The following MAOB variants were observed in gnomAD, a reference collection of about 807,000 sequenced individuals.
MAOB encodes the protein monoamine oxidase B.
Under a neutral mutation model 41.9 loss-of-function variants are expected in MAOB, and 15 were observed. The observed-to-expected ratio is 0.36, with a 90% CI of 0.24 to 0.55. The LOEUF is 0.55. Among genes scored for constraint, MAOB ranks in the 20% least tolerant of loss-of-function variants. The pLI is 0.86. For missense variants in MAOB, 345 were observed against 398.7 expected (o/e 0.87, Z 1.15); for synonymous variants, 167 against 144.2 (o/e 1.16, Z -1.13).
At chrX:43,826,998 C>T (rs187875058) in intron 3 of MAOB, among the ~76,000 whole-genome samples, 8 of 111,472 alleles carry the variant, frequency 7.2e-5, no homozygotes, top group Non-Finnish European at 1.5e-4. Context: ...ATATGATATA[C>T]ATGATATAAT....
At chrX:43,806,838 T>C (rs1480581867) in intron 3 of MAOB, among the ~76,000 whole-genome samples, 1 of 112,244 alleles carries the variant, frequency 8.9e-6, no homozygotes, top group Non-Finnish European at 1.9e-5. Context: ...CAATATGATT[T>C]ATTTGTTGCT....
intron 3 of MAOB, among the ~76,000 whole-genome samples, chrX:43,804,482 A>T (rs920581533): frequency 6.3e-5 from 7 of 111,316 alleles, no homozygotes; most frequent in Non-Finnish European, 1.3e-4. Context: ...AGAGAGATAC[A>T]TACATAGATA....
chrX:43,784,047 G>T (rs2034369750), intron 8 of MAOB, among the ~76,000 whole-genome samples: 1 of 111,956 alleles, frequency 8.9e-6, no homozygotes, highest in African/African-American at 3.2e-5. Flanking sequence ...GTTTTATCAT[G>T]AGTTGGCAGC....
intron 1 of MAOB, among the ~76,000 whole-genome samples, chrX:43,880,585 G>A (rs185773039): frequency 0.017 from 1,952 of 112,116 alleles, 14 homozygotes; most frequent in Non-Finnish European, 0.025. Flanking sequence ...CTATTCCGTG[G>A]AATGTTCTTG....
intron 9 of MAOB, 104 bp from the exon 10 acceptor site, chrX:43,780,499 C>A (rs776266735): frequency 1.4e-5 from 7 of 487,236 alleles, no homozygotes; most frequent in Non-Finnish European, 2.1e-5. Flanking sequence ...TTAAGTCAAC[C>A]AAAAGAAACA....
intron 1 of MAOB, among the ~76,000 whole-genome samples, chrX:43,874,553 C>A (rs1037083442): frequency 1.8e-5 from 2 of 111,667 alleles, no homozygotes; most frequent in Non-Finnish European, 3.8e-5. Flanking sequence ...GAAAACCTAA[C>A]TTTTCACTTT....
chrX:43,836,430 G>A (rs988262899), intron 3 of MAOB, among the ~76,000 whole-genome samples: 1 of 112,406 alleles, frequency 8.9e-6, no homozygotes, highest in South Asian at 3.7e-4. Context: ...GACTGATCAC[G>A]AGGAGGCCAA....
At chrX:43,784,819 C>T (rs1303857748) in intron 8 of MAOB, among the ~76,000 whole-genome samples, 1 of 112,263 alleles carries the variant, frequency 8.9e-6, no homozygotes, top group Non-Finnish European at 1.9e-5. Context: ...ATGGCATTTT[C>T]TTCCAATATA....
intron 8 of MAOB, 69 bp from the exon 9 acceptor site, chrX:43,781,613 A>G: frequency 1.8e-6 from 1 of 570,164 alleles, no homozygotes; most frequent in Non-Finnish European, 2.7e-6. Flanking sequence ...GATATAATGA[A>G]GTGCATGTTT....
intron 1 of MAOB, among the ~76,000 whole-genome samples, chrX:43,870,563 A>C (rs2035396459): frequency 9.0e-6 from 1 of 110,517 alleles, no homozygotes; most frequent in Non-Finnish European, 1.9e-5. Flanking sequence ...TGGGAGGCTG[A>C]GGCGGGCGGA....
intron 3 of MAOB, among the ~76,000 whole-genome samples, chrX:43,815,526 C>T (rs2034800949): frequency 8.9e-6 from 1 of 112,013 alleles, no homozygotes; most frequent in South Asian, 3.7e-4. Flanking sequence ...AAGCTGAAAA[C>T]TGGAAGCCGT....
chrX:43,775,918 G>A (rs769711980), intron 11 of MAOB, among the ~76,000 whole-genome samples: 1 of 112,486 alleles, frequency 8.9e-6, no homozygotes, highest in African/African-American at 3.2e-5. Flanking sequence ...TAAAATCAAC[G>A]TAGCAAGTTT....
At chrX:43,815,904 T>C (rs2034808443) in intron 3 of MAOB, among the ~76,000 whole-genome samples, 1 of 112,022 alleles carries the variant, frequency 8.9e-6, no homozygotes, top group African/African-American at 3.2e-5. Context: ...ATGTTAAATA[T>C]CCATCAATAG....
chrX:43,767,679 G>A (rs2034129012), intron 14 of MAOB, 61 bp from the exon 15 acceptor site: 1 of 1,062,907 alleles, frequency 9.4e-7, no homozygotes, highest in Non-Finnish European at 1.3e-6. Flanking sequence ...CAGAAAGTCT[G>A]TACTTTCTCC....
In MAOB at chrX:43,802,151, G is replaced by A. The variant is rs1353177331; in HGVS notation, c.476+21C>T. 2.6e-6 allele frequency: 3 copies of A among 1,164,293 alleles called. No individual in the cohort carries two copies. The African/African-American group carries it at 5.3e-5, about 21-fold the overall frequency. On this transcript the variant is annotated intron_variant, in intron 5 of 14. Coordinates refer to ENST00000378069, the MANE Select transcript of MAOB (RefSeq NM_000898.5). Reference sequence around the variant, plus strand: ...TAAAAGGTGGTCACAGTAAATGCCTGTGCCTAATGGCAAGACTTACTCAGT... The same window carrying A: ...TAAAAGGTGGTCACAGTAAATGCCTATGCCTAATGGCAAGACTTACTCAGT...
intron 3 of MAOB, among the ~76,000 whole-genome samples, chrX:43,828,132 T>C (rs1262817117): frequency 8.9e-6 from 1 of 112,092 alleles, no homozygotes; most frequent in Non-Finnish European, 1.9e-5. Flanking sequence ...AATGACATCC[T>C]TTCAATTGCC....
intron 1 of MAOB, among the ~76,000 whole-genome samples, chrX:43,853,267 CAAAAAAAAAAAA>C (rs397957481): frequency 3.8e-5 from 1 of 26,444 alleles, no homozygotes; most frequent in Non-Finnish European, 7.2e-5. Flanking sequence ...GAGTCCGTCT[CAAAAAAAAAAAA>C]AAAAAAAAAA....
At chrX:43,880,258 C>T (rs997164137) in intron 1 of MAOB, among the ~76,000 whole-genome samples, 26 of 111,913 alleles carry the variant, frequency 2.3e-4, no homozygotes, top group Admixed American at 7.6e-4. Context: ...TCCCATGGCA[C>T]GCACCACCTT....
At chrX:43,875,325 C>G (rs1184207251) in intron 1 of MAOB, among the ~76,000 whole-genome samples, 1 of 111,568 alleles carries the variant, frequency 9.0e-6, no homozygotes, top group Non-Finnish European at 1.9e-5. Flanking sequence ...GATGCAAAAC[C>G]AGGCGATCTT....
Sources: allele counts gnomAD v4.1 joint callset (sites outside exome capture counted in the v4.1 genomes callset), GRCh38; gene constraint gnomAD v4.1.1; transcripts MANE v1.5; gene names NCBI Gene and HGNC (gene_info 2026-07-23, HGNC 2026-07-21).